Variants in ABTB2 observed in about 807,000 individuals in gnomAD.
ABTB2 encodes ankyrin repeat and BTB domain containing 2, also known as ankyrin repeat and BTB/POZ domain-containing protein 2.
A neutral mutation model predicts 104.1 loss-of-function variants in ABTB2; 56 were observed. The observed-to-expected ratio is 0.54, with a 90% CI of 0.43 to 0.67. The LOEUF (loss-of-function observed/expected upper bound fraction) is 0.67. ABTB2 is among the 30% of genes least tolerant of loss of function. The pLI is 0.00. For missense variants in ABTB2, 1,279 were observed against 1,407.7 expected (o/e 0.91, Z 1.46); for synonymous variants, 606 against 608.2 (o/e 1.00, Z 0.05).
intron 1 of ABTB2, among the ~76,000 whole-genome samples, chr11:34,299,453 T>C (rs1050894944): frequency 6.6e-6 from 1 of 152,204 alleles, no homozygotes; most frequent in African/African-American, 2.4e-5. Context: ...GCTGCGTGTT[T>C]GGAAAGCCAC....
chr11:34,282,807 C>A (rs1377530871), intron 1 of ABTB2, among the ~76,000 whole-genome samples: 1 of 152,090 alleles, frequency 6.6e-6, no homozygotes, highest in African/African-American at 2.4e-5. Flanking sequence ...GCTGGGACTA[C>A]AAGCATGAGC....
chr11:34,185,627 G>C (rs1204948629), intron 3 of ABTB2, among the ~76,000 whole-genome samples: 1 of 152,194 alleles, frequency 6.6e-6, no homozygotes, highest in East Asian at 1.9e-4. Context: ...AGACAAAGGT[G>C]ATTAGTCTGG....
intron 1 of ABTB2, among the ~76,000 whole-genome samples, chr11:34,258,604 TC>T (rs1228379284): frequency 8.6e-5 from 10 of 116,794 alleles, no homozygotes; most frequent in African/African-American, 5.0e-4. Context: ...AAGTGCCTGC[TC>T]TTTTTTTTTT....
At chr11:34,268,584 C>T (rs909201307) in intron 1 of ABTB2, among the ~76,000 whole-genome samples, 1 of 152,208 alleles carries the variant, frequency 6.6e-6, no homozygotes, top group Non-Finnish European at 1.5e-5. Flanking sequence ...TATTGGAATG[C>T]TGCACCGGCA....
intron 1 of ABTB2, among the ~76,000 whole-genome samples, chr11:34,236,087 G>A (rs557565842): frequency 3.7e-4 from 57 of 152,304 alleles, no homozygotes; most frequent in Admixed American, 2.0e-3. Flanking sequence ...CTGCAAGGAA[G>A]AGAAGGGTAA....
chr11:34,346,568 A>G (rs555703199), intron 1 of ABTB2, among the ~76,000 whole-genome samples: 5 of 152,226 alleles, frequency 3.3e-5, no homozygotes, highest in African/African-American at 1.2e-4. Flanking sequence ...GAGCTCGTCC[A>G]GCACCATCCT....
At chr11:34,272,717 A>AAACAAAAAAC (rs1854332783) in intron 1 of ABTB2, among the ~76,000 whole-genome samples, 3 of 149,138 alleles carry the variant, frequency 2.0e-5, no homozygotes, top group African/African-American at 7.5e-5. Flanking sequence ...AAAAAAAAAA[A>AAACAAAAAAC]AAAAAAAAAA....
At chr11:34,174,736 C>G (rs952550028) in intron 3 of ABTB2, among the ~76,000 whole-genome samples, 1 of 152,256 alleles carries the variant, frequency 6.6e-6, no homozygotes, top group African/African-American at 2.4e-5. Flanking sequence ...TTCATGACTT[C>G]GTGGGACACC....
intron 1 of ABTB2, among the ~76,000 whole-genome samples, chr11:34,337,928 C>T (rs929157106): frequency 6.6e-6 from 1 of 152,162 alleles, no homozygotes; most frequent in Non-Finnish European, 1.5e-5. Context: ...CAGAGAAGAC[C>T]CTCAAAGACT....
At chr11:34,298,415 T>C (rs1396594009) in intron 1 of ABTB2, among the ~76,000 whole-genome samples, 1 of 150,964 alleles carries the variant, frequency 6.6e-6, no homozygotes, top group African/African-American at 2.4e-5. Flanking sequence ...CTTGTTTCTT[T>C]TTTTTTTTTT....
chr11:34,190,006 T>TA (rs1342789031), intron 3 of ABTB2, among the ~76,000 whole-genome samples: 2 of 152,080 alleles, frequency 1.3e-5, no homozygotes, highest in Non-Finnish European at 2.9e-5. Context: ...TTGGGAGGCC[T>TA]AGGAAGGTGG....
chr11:34,214,327 T>C (rs575961441), intron 1 of ABTB2, among the ~76,000 whole-genome samples: 1 of 152,208 alleles, frequency 6.6e-6, no homozygotes, highest in Non-Finnish European at 1.5e-5. Context: ...TTCCAAACTT[T>C]TTATAATGAA....
At chr11:34,190,711 T>G (rs1181119279) in intron 3 of ABTB2, among the ~76,000 whole-genome samples, 2 of 152,186 alleles carry the variant, frequency 1.3e-5, no homozygotes, top group African/African-American at 4.8e-5. Flanking sequence ...GGTTAATTAG[T>G]AGTAATATCA....
chr11:34,278,829 GGA>G (rs1854415820), intron 1 of ABTB2, among the ~76,000 whole-genome samples: 1 of 152,158 alleles, frequency 6.6e-6, no homozygotes, highest in East Asian at 1.9e-4. Context: ...TTTCCAAGTC[GGA>G]GAGACTCAGT....
intron 1 of ABTB2, among the ~76,000 whole-genome samples, chr11:34,325,489 C>T (rs185486269): frequency 6.6e-6 from 1 of 152,136 alleles, no homozygotes; most frequent in Non-Finnish European, 1.5e-5. Context: ...AATCATAGCA[C>T]CAACATCATA....
intron 5 of ABTB2, among the ~76,000 whole-genome samples, chr11:34,168,735 A>G (rs1852834562): frequency 6.6e-6 from 1 of 152,156 alleles, no homozygotes; most frequent in Non-Finnish European, 1.5e-5. Flanking sequence ...TGACTTCAAC[A>G]TCTTCTGCTA....
intron 1 of ABTB2, among the ~76,000 whole-genome samples, chr11:34,328,077 T>C (rs947349398): frequency 6.6e-6 from 1 of 152,156 alleles, no homozygotes; most frequent in Non-Finnish European, 1.5e-5. Context: ...AATAAAGATT[T>C]GGTTTGTGCT....
Position 34,219,052 on chromosome 11 carries a change from G to A in ABTB2, c.884-14362C>T, listed in dbSNP as rs117770300. Among the ~76,000 whole-genome samples, 242 of 55,294 alleles carry A rather than the reference G, an allele frequency of 4.4e-3. 1 individual carries two copies. Among genetic ancestry groups the A allele is most frequent in the Non-Finnish European group, 8.1e-3 (172 of 21,260 alleles). 36.3% of individuals were successfully genotyped at this position (55,294 alleles called of 152,430 possible). On this transcript the variant is annotated intron_variant, in intron 1 of 16. Transcript: ENST00000435224. ...ATTACACGCCTACTAATTATACCAA[G>A]CTTAGTGCTAGGAATACAGAGGTGA... is the stretch of plus-strand genomic sequence containing the variant.
intron 1 of ABTB2, among the ~76,000 whole-genome samples, chr11:34,353,940 A>T (rs1006113354): frequency 6.6e-6 from 1 of 152,160 alleles, no homozygotes; most frequent in Non-Finnish European, 1.5e-5. Context: ...TAATATAACA[A>T]AGGTTTGGAC....
Sources: allele counts gnomAD v4.1 joint callset (sites outside exome capture counted in the v4.1 genomes callset), GRCh38; gene constraint gnomAD v4.1.1; transcripts MANE v1.5; gene names NCBI Gene and HGNC (gene_info 2026-07-23, HGNC 2026-07-21).